KCNMA1: variants seen among roughly 807,000 people sequenced by gnomAD.
KCNMA1 encodes the protein potassium calcium-activated channel subfamily M alpha 1.
In KCNMA1, 29 loss-of-function variants were observed where a neutral mutation model predicts 140.0. The ratio of observed to expected loss-of-function variants is 0.21; its 90% CI spans 0.15 to 0.28. The LOEUF is 0.28. KCNMA1 is among the 10% of genes least tolerant of loss of function. KCNMA1 has a pLI of 1.00. For synonymous variants in KCNMA1, 612 were observed against 611.9 expected (o/e 1.00, Z 0.00); for missense variants, 880 against 1,602.2 (o/e 0.55, Z 7.70).
chr10:77,281,547 G>T (rs1456305329), intron 2 of KCNMA1, among the ~76,000 whole-genome samples: 2 of 152,150 alleles, frequency 1.3e-5, no homozygotes, highest in African/African-American at 2.4e-5. Context: ...AACTGAGAGG[G>T]CTGTGTCCGG....
chr10:77,153,984 T>A (rs932077388), intron 5 of KCNMA1, among the ~76,000 whole-genome samples: 2 of 152,168 alleles, frequency 1.3e-5, no homozygotes, highest in African/African-American at 4.8e-5. Context: ...TGTGTCCCCA[T>A]CCAAAATCTC....
At chr10:77,204,453 T>TA (rs1239090580) in intron 3 of KCNMA1, among the ~76,000 whole-genome samples, 1 of 151,910 alleles carries the variant, frequency 6.6e-6, no homozygotes, top group Non-Finnish European at 1.5e-5. Flanking sequence ...TGCCTAAAAC[T>TA]AAAAAAAAGT....
At chr10:76,999,750 T>C (rs897241335) in intron 19 of KCNMA1, among the ~76,000 whole-genome samples, 6 of 152,200 alleles carry the variant, frequency 3.9e-5, no homozygotes, top group Non-Finnish European at 2.9e-5. Context: ...TCCCTCTCAA[T>C]GCAACCTCCA....
chr10:76,944,427 C>T (rs1433415080), intron 23 of KCNMA1, among the ~76,000 whole-genome samples: 4 of 152,274 alleles, frequency 2.6e-5, no homozygotes, highest in Admixed American at 1.3e-4. Context: ...TGGAAGGAAA[C>T]GGTCAGAATT....
intron 27 of KCNMA1, chr10:76,887,949 T>C (rs1263661385): frequency 1.0e-5 from 2 of 199,446 alleles, no homozygotes; most frequent in African/African-American, 4.6e-5. Flanking sequence ...TAGACTATTC[T>C]CGCTCTTTAC....
intron 2 of KCNMA1, among the ~76,000 whole-genome samples, chr10:77,379,869 A>C (rs2095320342): frequency 6.6e-6 from 1 of 152,176 alleles, no homozygotes; most frequent in African/African-American, 2.4e-5. Flanking sequence ...CAGCACCTCC[A>C]TCAGACTGCC....
intron 7 of KCNMA1, among the ~76,000 whole-genome samples, chr10:77,111,258 C>T (rs1024148423): frequency 2.0e-5 from 3 of 152,216 alleles, no homozygotes; most frequent in Non-Finnish European, 2.9e-5. Flanking sequence ...GCCTGTGATC[C>T]ACCCACAGGG....
Position 77,483,812 on chromosome 10 carries a change from G to A in KCNMA1, c.379-79789C>T, listed in dbSNP as rs75287510. On this transcript the variant is annotated intron_variant, in intron 1 of 27. Transcript: ENST00000286628. ...AGCACTGAGACATTGAAGGGGAGGA[G>A]GCAATTTATTTGCTGTCTTGACACT... 7.2e-3 allele frequency among the ~76,000 whole-genome samples: 1,093 copies of A among 152,322 alleles called. 12 individuals are homozygous for A. Among genetic ancestry groups the A allele is most frequent in the East Asian group, 0.044 (226 of 5,176 alleles).
chr10:76,951,915 A>G (rs1216332883), intron 21 of KCNMA1: 5 of 939,554 alleles, frequency 5.3e-6, no homozygotes, highest in Non-Finnish European at 8.1e-6. Flanking sequence ...AAGCTCTGTG[A>G]GAGCAGTCGT....
chr10:77,407,776 A>C (rs1163607707), intron 1 of KCNMA1, among the ~76,000 whole-genome samples: 1 of 152,196 alleles, frequency 6.6e-6, no homozygotes, highest in African/African-American at 2.4e-5. Context: ...TCCCGGGCAC[A>C]CAGTGGTTAC....
intron 1 of KCNMA1, among the ~76,000 whole-genome samples, chr10:77,506,840 A>AGAGAGT (rs1251463030): frequency 2.5e-5 from 3 of 120,954 alleles, no homozygotes; most frequent in South Asian, 2.9e-4. Flanking sequence ...AGAGAGAGAG[A>AGAGAGT]GTGTGTGTGT....
chr10:77,033,674 C>T (rs745917386), intron 15 of KCNMA1, among the ~76,000 whole-genome samples: 5 of 152,130 alleles, frequency 3.3e-5, no homozygotes, highest in Non-Finnish European at 5.9e-5. Context: ...CCCAAGCGTC[C>T]ACCCCATTTC....
chr10:77,071,946 G>C (rs2096231492), intron 14 of KCNMA1, among the ~76,000 whole-genome samples: 1 of 152,184 alleles, frequency 6.6e-6, no homozygotes, highest in South Asian at 2.1e-4. Context: ...CAATGCATCT[G>C]TATCCTCATG....
At chr10:77,168,654 T>C (rs930108637) in intron 5 of KCNMA1, among the ~76,000 whole-genome samples, 1 of 152,168 alleles carries the variant, frequency 6.6e-6, no homozygotes, top group African/African-American at 2.4e-5. Context: ...GGACTGTACA[T>C]AGCAGCTATA....
At chr10:77,116,483 C>T (rs2097470460) in intron 6 of KCNMA1, among the ~76,000 whole-genome samples, 1 of 151,930 alleles carries the variant, frequency 6.6e-6, no homozygotes, top group Admixed American at 6.6e-5. Flanking sequence ...ACGTTTGTCC[C>T]TGTTCTGCTT....
chr10:77,063,463 C>T (rs889955195), intron 14 of KCNMA1, among the ~76,000 whole-genome samples: 1 of 152,036 alleles, frequency 6.6e-6, no homozygotes, highest in Non-Finnish European at 1.5e-5. Context: ...AAAGGTATAT[C>T]ACGTAAACTG....
intron 2 of KCNMA1, among the ~76,000 whole-genome samples, chr10:77,288,899 C>T (rs1272158856): frequency 6.6e-6 from 1 of 152,184 alleles, no homozygotes; most frequent in African/African-American, 2.4e-5. Flanking sequence ...TGAACACCAT[C>T]CACAAGGCCA....
chr10:77,083,569 G>A (rs930252801), intron 12 of KCNMA1, among the ~76,000 whole-genome samples: 12 of 150,758 alleles, frequency 8.0e-5, no homozygotes, highest in Admixed American at 7.3e-4. Flanking sequence ...GCACACTCCT[G>A]TAATCCAGAG....
chr10:77,593,568 T>G (rs1285861987), intron 1 of KCNMA1, among the ~76,000 whole-genome samples: 1 of 152,212 alleles, frequency 6.6e-6, no homozygotes, highest in African/African-American at 2.4e-5. Flanking sequence ...TGCAGAGTGC[T>G]TTTCCATTTA....
Sources: allele counts gnomAD v4.1 joint callset (sites outside exome capture counted in the v4.1 genomes callset), GRCh38; gene constraint gnomAD v4.1.1; transcripts MANE v1.5; gene names NCBI Gene and HGNC (gene_info 2026-07-23, HGNC 2026-07-21).